Variants in PTPRU observed in about 807,000 individuals in gnomAD.
The protein encoded by PTPRU is receptor-type tyrosine-protein phosphatase U.
PTPRU carries 69 observed loss-of-function variants against 166.3 expected under a neutral mutation model. That is an observed-to-expected ratio of 0.41 (90% CI 0.34 to 0.51). The LOEUF is 0.51. Ranked by LOEUF, PTPRU falls within the 20% of genes least tolerant of loss-of-function variation. PTPRU has a pLI of 0.09. For missense variants in PTPRU, 1,657 were observed against 2,013.7 expected, an observed-to-expected ratio of 0.82 and a Z score of 3.39; for synonymous variants, 793 against 814.0, an observed-to-expected ratio of 0.97 and a Z score of 0.44.
At chr1:29,290,831 C>T (rs1686595713) in intron 14 of PTPRU, among the ~76,000 whole-genome samples, 2 of 152,260 alleles carry the variant, frequency 1.3e-5, no homozygotes, top group Admixed American at 6.5e-5. Flanking sequence ...ATGCCAACAG[C>T]ATTAGGTGTC....
At position 29,291,809 on chromosome 1, in the gene PTPRU, C is replaced by T; in HGVS notation, c.2319-60C>T. ...CCTTACTCCAGGGCCTCCCCAGCCA[C>T]CTCTGGGTGCTGTCCAGCCCCACAC... On this transcript the variant is annotated intron_variant, in intron 14 of 29. Transcript: ENST00000373779. This position sits in a 1 kb window ranked among gnomAD's most constrained non-coding sequence, Gnocchi z 4.1. 2.5e-6 allele frequency: 4 copies of T among 1,580,608 alleles called. No individual in the cohort carries two copies. Among genetic ancestry groups the T allele is most frequent in the Non-Finnish European group, 3.4e-6 (4 of 1,159,690 alleles).
At chr1:29,254,664 T>C (rs1477807944) in intron 1 of PTPRU, among the ~76,000 whole-genome samples, 24 of 152,214 alleles carry the variant, frequency 1.6e-4, no homozygotes, top group Admixed American at 1.6e-3. Context: ...GTGCCCGGCT[T>C]GAGTGGATTG....
rs1258935881 is a variant in PTPRU, at chr1:29,282,949, G to A, written c.2142G>A (p.Gly714=). ...TCCAGGCAGCAAGCCACCTGAAGGGGGTGAGGGACCGGCCAGGGTCATGGT... is the reference window on the plus strand; with the variant it reads ...TCCAGGCAGCAAGCCACCTGAAGGGAGTGAGGGACCGGCCAGGGTCATGGT... ...IYFQAASHLK[G]ETRLNCIRIA... Residue 714 remains glycine (G), a splice_region_variant and synonymous_variant, in exon 12 of 30, where the codon GGG becomes GGA. Transcript: ENST00000373779. The A allele has an allele frequency of 1.9e-6, 3 of 1,612,920 alleles. No individual in the cohort carries two copies. The highest frequency in any genetic ancestry group is 2.5e-6 in the Non-Finnish European group (3 of 1,179,724).
intron 22 of PTPRU, among the ~76,000 whole-genome samples, chr1:29,313,761 G>A (rs528866149): frequency 8.5e-5 from 13 of 152,256 alleles, no homozygotes; most frequent in Non-Finnish European, 1.8e-4. Context: ...AGGCTGAGGT[G>A]GGAAGTTTGT....
At chr1:29,284,041 G>A in intron 13 of PTPRU, 65 bp downstream of exon 13, 2 of 1,595,818 alleles carry the variant, frequency 1.3e-6, no homozygotes, top group Middle Eastern at 2.2e-4. Context: ...CGCTGGGGAG[G>A]TGGATCCTGA....
intron 7 of PTPRU, among the ~76,000 whole-genome samples, chr1:29,262,265 G>T (rs1415531271): frequency 1.3e-5 from 2 of 152,210 alleles, no homozygotes; most frequent in Non-Finnish European, 2.9e-5. Flanking sequence ...TGAAATCAGA[G>T]TATATAACCT....
At chr1:29,266,010 G>GT (rs34163524) in intron 7 of PTPRU, among the ~76,000 whole-genome samples, 29,256 of 79,158 alleles carry the variant, frequency 0.37, 10,150 homozygotes, top group Non-Finnish European at 0.54. Flanking sequence ...TTTCTCCTGG[G>GT]TTTTTTTTTT....
rs546020947 is a variant in PTPRU at position 29,317,998 on chromosome 1, C to A, written c.3687+77C>A. On this transcript the variant is annotated intron_variant, in intron 25 of 29. Transcript: ENST00000373779. The surrounding 1 kb of genome is among the most constrained non-coding windows in gnomAD (Gnocchi z 5.6). The stretch of plus-strand genomic sequence containing the variant: ...AGGGAAGGTCCAGGGGCCACGGGAA[C>A]AAAGCTGAAGGCTCTGTTGGGGGGA... 16 of 1,540,114 alleles carry A rather than the reference C, an allele frequency of 1.0e-5. No homozygotes were observed. In the Admixed American group the frequency reaches 3.0e-4, roughly 29 times the overall value.
At chr1:29,322,000 C>T (rs1688182332) in intron 26 of PTPRU, among the ~76,000 whole-genome samples, 1 of 152,242 alleles carries the variant, frequency 6.6e-6, no homozygotes, top group Non-Finnish European at 1.5e-5. Context: ...CTGCTGGGCC[C>T]AGGGGGCTAG....
intron 22 of PTPRU, among the ~76,000 whole-genome samples, chr1:29,313,123 T>G (rs1417057286): frequency 6.6e-6 from 1 of 152,200 alleles, no homozygotes; most frequent in East Asian, 1.9e-4. Flanking sequence ...CCCTTGGCCT[T>G]CACACCTTCT....
rs368857411 is a variant in PTPRU, at chr1:29,282,758, T to C, written c.1951T>C (p.Leu651=). The C allele has an allele frequency of 1.9e-6, 3 of 1,613,940 alleles. No homozygotes were observed. Among genetic ancestry groups the C allele is most frequent in the Admixed American group, 1.7e-5 (1 of 60,000 alleles). Residue 651 remains leucine (L), a synonymous_variant, in exon 12 of 30, where the codon TTG becomes CTG. Transcript: ENST00000373779. ...TGGACAGGACTGCTTCCCAGTGCCA[T>C]TGACCTTCGAGGCGGCGCTGGCCCG... ...PGGQDCFPVP[L]TFEAALARGL...
chr1:29,242,051 C>T (rs372918126), intron 1 of PTPRU, among the ~76,000 whole-genome samples: 92 of 152,092 alleles, frequency 6.0e-4, no homozygotes, highest in African/African-American at 2.1e-3. Context: ...GCCACCATGC[C>T]TGGCTAATTT....
In PTPRU at chr1:29,238,291, A is replaced by C. The variant is rs1558538721; in HGVS notation, c.73+1574A>C. On this transcript the variant is annotated intron_variant, in intron 1 of 29. Coordinates refer to ENST00000373779, the MANE Select transcript of PTPRU (RefSeq NM_133178.4). This position sits in a 1 kb window ranked among gnomAD's most constrained non-coding sequence, Gnocchi z 6.1. Reference sequence around the variant, plus strand: ...TGTGCGTGCGCGTGTTCCACATCCCACCCTGAGGCCTGGGATCCTAGACCG... The same window carrying C: ...TGTGCGTGCGCGTGTTCCACATCCCCCCCTGAGGCCTGGGATCCTAGACCG... Among the ~76,000 whole-genome samples, 2 of 151,892 alleles carry C rather than the reference A, an allele frequency of 1.3e-5. No homozygotes were observed. The highest frequency in any genetic ancestry group is 2.4e-5 in the African/African-American group (1 of 41,330).
chr1:29,270,245 C>T (rs967664585), intron 7 of PTPRU, among the ~76,000 whole-genome samples: 2 of 152,074 alleles, frequency 1.3e-5, no homozygotes, highest in Non-Finnish European at 2.9e-5. Context: ...CAATTTGACT[C>T]ATATTATCTC....
chr1:29,317,878 C>A lies in PTPRU; in HGVS notation c.3644C>A (p.Thr1215Asn), dbSNP rs762260649. ...CGCTGCCTGCCCTTCCTCATCTCCACTGATGGGGACTCCAACAACTACATT... is the reference window on the plus strand; with the variant it reads ...CGCTGCCTGCCCTTCCTCATCTCCAATGATGGGGACTCCAACAACTACATT... ...PDRCLPFLIS[T>N]DGDSNNYINA... The change falls in exon 25 of 30, where the codon ACT (threonine) becomes AAT (asparagine). Residue 1215 changes from threonine (T) to asparagine (N), a missense_variant. By Grantham distance (65) the Thr-to-Asn change is moderately conservative. Around this residue, in one of 3 missense-constraint regions of PTPRU, gnomAD observed 1,190 missense variants for 1,477.4 expected, o/e 0.81. Transcript: ENST00000373779. The surrounding 1 kb of genome is among the most constrained non-coding windows in gnomAD (Gnocchi z 5.6). The A allele has an allele frequency of 6.2e-7, 1 of 1,613,966 alleles. No homozygotes were observed. Among genetic ancestry groups the A allele is most frequent in the Non-Finnish European group, 8.5e-7 (1 of 1,180,040 alleles).
intron 15 of PTPRU, among the ~76,000 whole-genome samples, chr1:29,295,862 T>C (rs1395105237): frequency 6.6e-6 from 1 of 150,804 alleles, no homozygotes; most frequent in African/African-American, 2.4e-5. Context: ...AATTTTTGTA[T>C]TTTTTTTTAG....
At chr1:29,308,216 CCTT>C (rs1320073822) in intron 18 of PTPRU, among the ~76,000 whole-genome samples, 2 of 151,712 alleles carry the variant, frequency 1.3e-5, no homozygotes, top group African/African-American at 2.4e-5. Flanking sequence ...CACAAGCAAT[CCTT>C]CTACCTCAGC....
At position 29,271,463 on chromosome 1, in the gene PTPRU, G is replaced by C. The variant is rs1240317041; in HGVS notation, c.1145-3985G>C. On this transcript the variant is annotated intron_variant, in intron 7 of 29. Transcript: ENST00000373779. The surrounding 1 kb of genome is among the most constrained non-coding windows in gnomAD (Gnocchi z 4.4). The stretch of plus-strand genomic sequence containing the variant: ...TTCAAAGAGCTCTCAGTCTACCTGG[G>C]TGGATGGGAGGTGGCACAGTTGTCA... Among the ~76,000 whole-genome samples the C allele has an allele frequency of 6.6e-6, 1 of 152,192 alleles. No homozygotes were observed. Among genetic ancestry groups the C allele is most frequent in the Non-Finnish European group, 1.5e-5 (1 of 68,036 alleles).
chr1:29,264,787 T>C (rs1250079824), intron 7 of PTPRU, among the ~76,000 whole-genome samples: 1 of 152,346 alleles, frequency 6.6e-6, no homozygotes, highest in East Asian at 1.9e-4. Flanking sequence ...ATTATAGGCA[T>C]GCGTGGCCAA....
Sources: gnomAD v4.1 joint callset for allele counts (sites outside exome capture counted in the v4.1 genomes callset) on GRCh38, gnomAD v4.1.1 for gene constraint, gnomAD v4.1.1 regional missense constraint, Gnocchi (gnomAD v3.1) non-coding constraint, MANE v1.5 for transcripts, NCBI Gene and HGNC (gene_info 2026-07-23, HGNC 2026-07-21) for gene names.